Variants in SRRM1 observed in about 807,000 individuals in gnomAD.
SRRM1 encodes serine/arginine repetitive matrix protein 1.
In SRRM1, 19 loss-of-function variants were observed where a neutral mutation model predicts 110.2. That is an observed-to-expected ratio of 0.17 (90% confidence interval 0.12 to 0.25). The LOEUF is 0.25. Among genes scored for constraint, SRRM1 ranks in the 10% least tolerant of loss-of-function variants. The probability of loss-of-function intolerance (pLI) is 1.00; values close to 1 mark genes in which losing one functional copy is unlikely to be tolerated. For synonymous variants in SRRM1, 443 were observed against 414.9 expected (o/e 1.07, Z -0.82); for missense variants, 918 against 1,145.8 (o/e 0.80, Z 2.87).
chr1:24,659,549 T>G (rs961642407), intron 9 of SRRM1, among the ~76,000 whole-genome samples: 2 of 152,242 alleles, frequency 1.3e-5, no homozygotes, highest in African/African-American at 4.8e-5. Flanking sequence ...AATATACTTA[T>G]GATTTTAGTT....
chr1:24,671,358 G>C, intron 15 of SRRM1, 28 bp from the exon 16 acceptor site: 1 of 1,555,588 alleles, frequency 6.4e-7, no homozygotes, highest in Non-Finnish European at 8.7e-7. Flanking sequence ...GATTATAAAT[G>C]CTGGGTGTTG....
At chr1:24,657,799 CATG>C (rs1213772463) in intron 9 of SRRM1, among the ~76,000 whole-genome samples, 2 of 152,200 alleles carry the variant, frequency 1.3e-5, no homozygotes, top group Admixed American at 6.5e-5. Flanking sequence ...AGTATGTTAA[CATG>C]ATCAATACTG....
intron 3 of SRRM1, chr1:24,647,912 C>T (rs1658484914): frequency 1.3e-5 from 2 of 152,266 alleles, no homozygotes; most frequent in South Asian, 4.1e-4. Flanking sequence ...ACCTAAGTAT[C>T]TGGTAGTATT....
At chr1:24,643,459 A>C (rs1487495342) in intron 1 of SRRM1, 112 bp downstream of exon 1, 3 of 880,158 alleles carry the variant, frequency 3.4e-6, no homozygotes, top group Non-Finnish European at 4.7e-6. Context: ...GGAGATCTTA[A>C]GGATTCCTCC....
intron 13 of SRRM1, among the ~76,000 whole-genome samples, chr1:24,668,152 T>G (rs1670990837): frequency 6.6e-6 from 1 of 151,730 alleles, no homozygotes; most frequent in African/African-American, 2.4e-5. Context: ...TTGTATTTTT[T>G]GTAGAGATGA....
Position 24,652,607 on chromosome 1 carries a change from G to T in SRRM1, c.899G>T (p.Arg300Leu), listed in dbSNP as rs373796825. The T allele has an allele frequency of 2.5e-5, 40 of 1,604,820 alleles. No individual in the cohort carries two copies. Among genetic ancestry groups the T allele is most frequent in the Non-Finnish European group, 3.4e-5 (40 of 1,177,338 alleles). ...SRSPSHTRPRRRHRSRSRSYS... is the reference protein window; with the variant it reads ...SRSPSHTRPRLRHRSRSRSYS... ...TCTCCTTCTCACACTCGACCTAGAC[G>T]GCGCCATAGATCCCGATCAAGGTGA... is the stretch of plus-strand genomic sequence containing the variant. The change falls in exon 7 of 17, where the codon CGG becomes CTG. Residue 300 changes from arginine (R) to leucine (L), a missense_variant. Arg to Leu is a moderately radical substitution (Grantham distance 102, BLOSUM62 -2). This residue lies in a region of SRRM1 where 456 missense variants were observed against 453.5 expected (regional missense o/e 1.01). Coordinates refer to ENST00000323848, the MANE Select transcript of SRRM1 (RefSeq NM_005839.4).
intron 5 of SRRM1, among the ~76,000 whole-genome samples, chr1:24,651,186 T>A (rs1660459013): frequency 1.3e-5 from 2 of 152,342 alleles, no homozygotes; most frequent in East Asian, 1.9e-4. Flanking sequence ...CCCAAGTTAG[T>A]GCTTTTCTCC....
chr1:24,651,925 G>T (rs907731923), intron 6 of SRRM1, among the ~76,000 whole-genome samples: 6 of 149,734 alleles, frequency 4.0e-5, no homozygotes, highest in Non-Finnish European at 5.9e-5. Context: ...GGGGGTGCAT[G>T]CCTGTAATCT....
chr1:24,660,731 A>C lies in SRRM1; in HGVS notation c.1328A>C (p.Lys443Thr). 1.3e-6 allele frequency: 2 copies of C among 1,574,754 alleles called. No individual in the cohort carries two copies. The highest frequency in any genetic ancestry group is 8.6e-7 in the Non-Finnish European group (1 of 1,162,516). The change falls in exon 10 of 17, where the codon AAA (lysine) becomes ACA (threonine). Residue 443 changes from lysine to threonine, a missense_variant. Coordinates refer to ENST00000323848, the MANE Select transcript of SRRM1 (RefSeq NM_005839.4). The part of the protein sequence containing the change: ...GRTSGKVTKH[K>T]GTEKRESPSP... The stretch of plus-strand genomic sequence containing the variant: ...TATTCTTTTTTAGTGACAAAACATA[A>C]AGGTACTGAGAAAAGAGAATCCCCT...
chr1:24,671,219 T>C (rs1042513304), intron 15 of SRRM1, among the ~76,000 whole-genome samples, 167 bp from the exon 16 acceptor site: 5 of 152,238 alleles, frequency 3.3e-5, no homozygotes, highest in Non-Finnish European at 5.9e-5. Flanking sequence ...TTTGAATACT[T>C]TTCTTGGTGA....
Position 24,655,162 on chromosome 1 carries a change from T to A in SRRM1, c.1315+33T>A, listed in dbSNP as rs779713572. 6.8e-6 allele frequency: 11 copies of A among 1,607,336 alleles called. No individual in the cohort carries two copies. In the African/African-American group the frequency reaches 1.5e-4, roughly 21 times the overall value. On this transcript the variant is annotated intron_variant, in intron 9 of 16. Transcript: ENST00000323848. Reference sequence around the variant, plus strand: ...TCAAACACATATGAAACATGGTCTCTCTTTCTTTGGCTACAAAGCGTAGTC... The same window carrying A: ...TCAAACACATATGAAACATGGTCTCACTTTCTTTGGCTACAAAGCGTAGTC...
chr1:24,650,207 A>C lies in SRRM1; in HGVS notation c.521+121A>C, dbSNP rs187108378. 10 of 957,824 alleles carry C rather than the reference A, an allele frequency of 1.0e-5. No homozygotes were observed. The Admixed American group carries it at 1.6e-4, about 15-fold the overall frequency. The allele number at this position is 957,824 out of a possible 1,614,324, so 59.3% of individuals were successfully genotyped here. Reference sequence around the variant, plus strand: ...GAATTTGTTCCATCATGCAGTTTTCATGGTGACCTGTGCCTTGCCTCTGGA... The same window carrying C: ...GAATTTGTTCCATCATGCAGTTTTCCTGGTGACCTGTGCCTTGCCTCTGGA... On this transcript the variant is annotated intron_variant, in intron 5 of 16. Coordinates refer to ENST00000323848, the MANE Select transcript of SRRM1 (RefSeq NM_005839.4).
rs949929290 is a variant in SRRM1 at position 24,660,811 on chromosome 1, G to T, written c.1396+12G>T. 7.3e-6 allele frequency: 11 copies of T among 1,515,052 alleles called. No individual in the cohort carries two copies. The highest frequency in any genetic ancestry group is 1.4e-5 in the African/African-American group (1 of 70,136). 93.9% of individuals were successfully genotyped at this position (1,515,052 alleles called of 1,614,324 possible). A position where few individuals can be genotyped will look rare whatever the true frequency, so the allele number is the denominator to read the frequency against. On this transcript the variant is annotated intron_variant, in intron 10 of 16. Transcript: ENST00000323848. ...GTTATCTGAATCGGGTAAGTTTGTTGTTTTTTTTTGTGATTTTGGTTTGTT... is the reference window on the plus strand; with the variant it reads ...GTTATCTGAATCGGGTAAGTTTGTTTTTTTTTTTTGTGATTTTGGTTTGTT...
At chr1:24,666,736 G>T in intron 12 of SRRM1, 79 bp from the exon 13 acceptor site, 2 of 1,161,888 alleles carry the variant, frequency 1.7e-6, no homozygotes, top group Non-Finnish European at 2.5e-6. Flanking sequence ...TTGCACTCCA[G>T]CCTGGGCGAC....
intron 1 of SRRM1, chr1:24,643,673 T>A: frequency 2.8e-6 from 1 of 360,570 alleles, no homozygotes; most frequent in Non-Finnish European, 5.0e-6. Context: ...CGCCGGGTCC[T>A]GGGGCCTAGC....
intron 13 of SRRM1, 77 bp downstream of exon 13, chr1:24,667,002 C>A: frequency 1.2e-6 from 1 of 856,286 alleles, no homozygotes; most frequent in Non-Finnish European, 1.8e-6. Flanking sequence ...AGTAATGGTG[C>A]TCACTTCCTA....
intron 1 of SRRM1, among the ~76,000 whole-genome samples, chr1:24,644,501 T>C (rs892038854): frequency 3.9e-5 from 6 of 152,238 alleles, no homozygotes; most frequent in Non-Finnish European, 8.8e-5. Flanking sequence ...GCCAGAACTT[T>C]AGTAAAAATA....
At chr1:24,649,623 A>C (rs1235993441) in intron 4 of SRRM1, among the ~76,000 whole-genome samples, 1 of 152,240 alleles carries the variant, frequency 6.6e-6, no homozygotes, top group African/African-American at 2.4e-5. Flanking sequence ...AACTCTTAAT[A>C]TGGGCAATAC....
chr1:24,671,175 G>A (rs1411705581), intron 15 of SRRM1, among the ~76,000 whole-genome samples: 1 of 152,156 alleles, frequency 6.6e-6, no homozygotes, highest in East Asian at 1.9e-4. Flanking sequence ...TTCAGGAGCT[G>A]GAATTGAGCT....
Sources: allele counts gnomAD v4.1 joint callset (sites outside exome capture counted in the v4.1 genomes callset), GRCh38; gene constraint gnomAD v4.1.1; regional missense constraint gnomAD v4.1.1; transcripts MANE v1.5; gene names NCBI Gene and HGNC (gene_info 2026-07-23, HGNC 2026-07-21).